The following CD6 variants were observed in gnomAD, a reference collection of about 807,000 sequenced individuals.
CD6 encodes T-cell differentiation antigen CD6.
CD6 carries 53 observed loss-of-function variants against 75.3 expected under a neutral mutation model. The ratio of observed to expected loss-of-function variants is 0.70; its 90% CI spans 0.56 to 0.88. CD6 has a LOEUF of 0.88. CD6 is among the 40% of genes least tolerant of loss of function. The probability of loss-of-function intolerance (pLI) is 0.00; values close to 1 mark genes in which losing one functional copy is unlikely to be tolerated. For synonymous variants in CD6, 359 were observed against 381.5 expected (o/e 0.94, Z 0.69); for missense variants, 770 against 897.1 (o/e 0.86, Z 1.81).
chr11:60,996,036 G>A (rs573429510), intron 1 of CD6, among the ~76,000 whole-genome samples: 33 of 152,300 alleles, frequency 2.2e-4, no homozygotes, highest in African/African-American at 7.2e-4. Flanking sequence ...ATTCCAACCC[G>A]GGGGAGTGGT....
At chr11:61,008,192 T>A (rs1030405142) in intron 3 of CD6, among the ~76,000 whole-genome samples, 1 of 152,052 alleles carries the variant, frequency 6.6e-6, no homozygotes, top group East Asian at 1.9e-4. Flanking sequence ...CCCCACTTAC[T>A]GGGCCCGCCG....
intron 9 of CD6, 88 bp from the exon 10 acceptor site, chr11:61,017,391 C>A: frequency 1.9e-6 from 2 of 1,045,910 alleles, no homozygotes; most frequent in Non-Finnish European, 2.9e-6. Context: ...TCAGCCTACC[C>A]AGGCCCCGGG....
At chr11:60,986,834 A>G (rs962203328) in intron 1 of CD6, among the ~76,000 whole-genome samples, 2 of 152,184 alleles carry the variant, frequency 1.3e-5, no homozygotes, top group Admixed American at 1.3e-4. Context: ...GGCAACAGAA[A>G]TGTATTGTCT....
At chr11:60,988,973 T>C (rs1245701874) in intron 1 of CD6, among the ~76,000 whole-genome samples, 1 of 152,136 alleles carries the variant, frequency 6.6e-6, no homozygotes, top group African/African-American at 2.4e-5. Flanking sequence ...GCACAGAGGG[T>C]CTTGCTCTGG....
At chr11:60,996,360 G>A (rs916811) in intron 1 of CD6, among the ~76,000 whole-genome samples, 41,534 of 151,996 alleles carry the variant, frequency 0.27, 7,450 homozygotes, top group East Asian at 0.56. Flanking sequence ...ATAAGTAGCT[G>A]CTCCCATCAG....
chr11:60,985,147 A>G (rs1466745771), intron 1 of CD6: 1 of 129,094 alleles, frequency 7.7e-6, no homozygotes, highest in Admixed American at 7.7e-5. Context: ...GTTTTCGTAT[A>G]TGTACCGCCG....
At chr11:60,985,412 T>TGGCCTCAAAACG (rs1857769609) in intron 1 of CD6, among the ~76,000 whole-genome samples, 1 of 151,980 alleles carries the variant, frequency 6.6e-6, no homozygotes, top group Non-Finnish European at 1.5e-5. Context: ...CTCAAACTCC[T>TGGCCTCAAAACG]GGCCTCAGGT....
At chr11:60,982,501 C>T (rs1319155951) in intron 1 of CD6, 2 of 442,998 alleles carry the variant, frequency 4.5e-6, no homozygotes, top group East Asian at 1.4e-4. Flanking sequence ...GGAGGGGTGC[C>T]TGGGAGCAGG....
rs1857644268 is a variant in CD6, at chr11:60,983,082, C to CT, written c.49+11171dup. On this transcript the variant is annotated intron_variant, in intron 1 of 12. Transcript: ENST00000313421. ...CTCCAGTCCTCAGGCTCTGCCTCCT[C>CT]TTTGTTTTTTTACTTCACTTTTTTT... Among the ~76,000 whole-genome samples the CT allele has an allele frequency of 1.3e-5, 2 of 151,736 alleles. 1 individual carries two copies. Among genetic ancestry groups the CT allele is most frequent in the Admixed American group, 1.3e-4 (2 of 15,224 alleles).
chr11:61,019,817 G>A lies in CD6; in HGVS notation c.*499G>A, dbSNP rs1164197725. On this transcript the variant is annotated 3_prime_UTR_variant, in exon 13 of 13. Coordinates refer to ENST00000313421, the MANE Select transcript of CD6 (RefSeq NM_006725.5). Reference sequence around the variant, plus strand: ...GTCTGCTGAGCTGTTGTCACTGATCGGTGGGCGCTGGGGGGGTAGGGTAGC... The same window carrying A: ...GTCTGCTGAGCTGTTGTCACTGATCAGTGGGCGCTGGGGGGGTAGGGTAGC... 2.5e-5 allele frequency: 5 copies of A among 198,254 alleles called. No homozygotes were observed. The highest frequency in any genetic ancestry group is 6.1e-5 in the Admixed American group (1 of 16,470). 12.3% of individuals were successfully genotyped at this position (198,254 alleles called of 1,614,324 possible). A position where few individuals can be genotyped will look rare whatever the true frequency, so the allele number is the denominator to read the frequency against.
chr11:60,981,398 T>G (rs1321750450), intron 1 of CD6, among the ~76,000 whole-genome samples: 1 of 152,146 alleles, frequency 6.6e-6, no homozygotes, highest in Non-Finnish European at 1.5e-5. Context: ...CCCTCCCCAC[T>G]CAAGACTCCT....
At chr11:61,016,553 G>A (rs983684139) in intron 9 of CD6, among the ~76,000 whole-genome samples, 1 of 152,232 alleles carries the variant, frequency 6.6e-6, no homozygotes, top group Admixed American at 6.5e-5. Context: ...TCTTGCTGCT[G>A]TGCAGTCCCT....
chr11:60,974,527 G>C (rs1294207248), intron 1 of CD6, among the ~76,000 whole-genome samples: 1 of 152,200 alleles, frequency 6.6e-6, no homozygotes, highest in Admixed American at 6.5e-5. Flanking sequence ...TTACAGGAGT[G>C]AGCCACCGCG....
At chr11:60,977,074 T>G (rs1857390098) in intron 1 of CD6, among the ~76,000 whole-genome samples, 2 of 152,062 alleles carry the variant, frequency 1.3e-5, no homozygotes, top group Non-Finnish European at 2.9e-5. Context: ...GCTCCTAGGG[T>G]GCTGGAGCTC....
chr11:60,972,315 G>A lies in CD6; in HGVS notation c.49+401G>A, dbSNP rs11230538. 2.8e-4 allele frequency among the ~76,000 whole-genome samples: 43 copies of A among 152,320 alleles called. No homozygotes were observed. The East Asian group carries it at 8.1e-3, about 29-fold the overall frequency. ...TGGTGGTACTTTCAACGCCAAAGCT[G>A]AGGCTTGGGGTCCAGCAGGCGTAGG... On this transcript the variant is annotated intron_variant, in intron 1 of 12. Coordinates refer to ENST00000313421, the MANE Select transcript of CD6 (RefSeq NM_006725.5).
At chr11:61,017,423 C>T (rs1418136828) in intron 9 of CD6, 56 bp from the exon 10 acceptor site, 3 of 1,377,538 alleles carry the variant, frequency 2.2e-6, no homozygotes, top group African/African-American at 2.9e-5. Context: ...CTTCTCCAGG[C>T]TCCTAAATGA....
Position 61,019,419 on chromosome 11 carries a change from G to A in CD6, c.*101G>A. 1 of 846,174 alleles carries A rather than the reference G, an allele frequency of 1.2e-6. No individual in the cohort carries two copies. The highest frequency in any genetic ancestry group is 1.8e-6 in the Non-Finnish European group (1 of 545,412). The allele number at this position is 846,174 out of a possible 1,614,324, so 52.4% of individuals were successfully genotyped here. Reference sequence around the variant, plus strand: ...CCACCCTCCCAGCTCACCTCCCCATGGAGCTGAGAGGCCTCCCTTGGAGAG... The same window carrying A: ...CCACCCTCCCAGCTCACCTCCCCATAGAGCTGAGAGGCCTCCCTTGGAGAG... On this transcript the variant is annotated 3_prime_UTR_variant, in exon 13 of 13. Coordinates refer to ENST00000313421, the MANE Select transcript of CD6 (RefSeq NM_006725.5).
intron 1 of CD6, among the ~76,000 whole-genome samples, chr11:60,982,123 C>T (rs7121638): frequency 4.0e-5 from 1 of 24,978 alleles, no homozygotes; most frequent in African/African-American, 2.3e-4. Flanking sequence ...GGGTGGGGGG[C>T]GGTCTGTGCA....
At chr11:60,979,622 T>C (rs368706460) in intron 1 of CD6, among the ~76,000 whole-genome samples, 2 of 152,024 alleles carry the variant, frequency 1.3e-5, no homozygotes, top group East Asian at 1.9e-4. Flanking sequence ...CCCACCACCA[T>C]GCCCAGCTAA....
Sources: allele counts gnomAD v4.1 joint callset (sites outside exome capture counted in the v4.1 genomes callset), GRCh38; gene constraint gnomAD v4.1.1; transcripts MANE v1.5; gene names NCBI Gene and HGNC (gene_info 2026-07-23, HGNC 2026-07-21).